Variants in HNF4G observed in about 807,000 individuals in gnomAD.
The protein encoded by HNF4G is hepatocyte nuclear factor 4 gamma.
A neutral mutation model predicts 50.9 loss-of-function variants in HNF4G; 21 were observed. The ratio of observed to expected loss-of-function variants is 0.41; its 90% CI spans 0.29 to 0.59. The LOEUF is 0.59. HNF4G is among the 20% of genes least tolerant of loss of function. The pLI is 0.26. For synonymous variants in HNF4G, 198 were observed against 185.6 expected (o/e 1.07, Z -0.54); for missense variants, 527 against 559.4 (o/e 0.94, Z 0.58).
chr8:75,432,348 A>G (rs890061504), intron 1 of HNF4G, among the ~76,000 whole-genome samples: 1 of 151,976 alleles, frequency 6.6e-6, no homozygotes, highest in Admixed American at 6.6e-5. Context: ...AAGGAATCTC[A>G]CTCTGTTGCC....
intron 2 of HNF4G, among the ~76,000 whole-genome samples, chr8:75,532,439 T>A (rs899806719): frequency 6.6e-6 from 1 of 152,124 alleles, no homozygotes; most frequent in Non-Finnish European, 1.5e-5. Flanking sequence ...TTTAGAAATA[T>A]GTTCAATGTT....
chr8:75,542,021 C>G (rs1057052281), intron 1 of HNF4G, among the ~76,000 whole-genome samples: 27 of 152,050 alleles, frequency 1.8e-4, no homozygotes, highest in African/African-American at 6.5e-4. Context: ...AAAGCTAAGG[C>G]CAGGTGTGGT....
At chr8:75,503,748 G>T (rs1445278334) in intron 2 of HNF4G, among the ~76,000 whole-genome samples, 1 of 152,166 alleles carries the variant, frequency 6.6e-6, no homozygotes. Context: ...AACTTACAGA[G>T]TTCTGAAAAC....
At chr8:75,409,950 C>A (rs1009655548) in intron 1 of HNF4G, among the ~76,000 whole-genome samples, 1 of 152,116 alleles carries the variant, frequency 6.6e-6, no homozygotes, top group Admixed American at 6.6e-5. Flanking sequence ...TTTCTCTAAT[C>A]TCTATGTGTA....
At chr8:75,513,938 AATCATTGACAAAAAAAC>A (rs1805823661) in intron 2 of HNF4G, among the ~76,000 whole-genome samples, 1 of 152,008 alleles carries the variant, frequency 6.6e-6, no homozygotes, top group Non-Finnish European at 1.5e-5. Context: ...AATGTTCATG[AATCATTGACAAAAAAAC>A]ATTTTCTAAT....
chr8:75,510,170 A>G (rs2130723809), intron 2 of HNF4G, among the ~76,000 whole-genome samples: 1 of 152,258 alleles, frequency 6.6e-6, no homozygotes, highest in South Asian at 2.1e-4. Context: ...TATTTTAACA[A>G]AAGTTTAAAA....
intron 2 of HNF4G, among the ~76,000 whole-genome samples, chr8:75,534,210 A>C (rs975952992): frequency 1.3e-5 from 2 of 151,908 alleles, no homozygotes; most frequent in African/African-American, 4.8e-5. Flanking sequence ...CCCATTGTAA[A>C]AACGAAATGC....
chr8:75,430,950 C>T (rs1255779663), intron 1 of HNF4G, among the ~76,000 whole-genome samples: 1 of 151,406 alleles, frequency 6.6e-6, no homozygotes, highest in South Asian at 2.1e-4. Flanking sequence ...ATATAATGTT[C>T]AAAATAATAT....
intron 2 of HNF4G, among the ~76,000 whole-genome samples, chr8:75,521,599 G>T (rs1034870594): frequency 6.6e-6 from 1 of 152,014 alleles, no homozygotes; most frequent in Non-Finnish European, 1.5e-5. Context: ...GGTTCTAGCA[G>T]TTTCAGCCAG....
intron 1 of HNF4G, among the ~76,000 whole-genome samples, chr8:75,438,871 G>A (rs939809414): frequency 3.3e-5 from 5 of 151,662 alleles, no homozygotes; most frequent in East Asian, 1.9e-4. Context: ...TTTCTTTCAC[G>A]AGTAGGGTAA....
chr8:75,530,679 T>C (rs957134183), intron 2 of HNF4G, among the ~76,000 whole-genome samples: 6 of 152,112 alleles, frequency 3.9e-5, no homozygotes, highest in African/African-American at 1.4e-4. Context: ...TCTAAATTAG[T>C]GGTCCAGAAG....
At chr8:75,448,276 A>C in intron 1 of HNF4G, among the ~76,000 whole-genome samples, 1 of 107,938 alleles carries the variant, frequency 9.3e-6, no homozygotes, top group African/African-American at 3.6e-5. Context: ...CACTCTGGGG[A>C]CTGTGGTGGG....
At position 75,427,472 on chromosome 8, in the gene HNF4G, G is replaced by A. The variant is rs981956860; in HGVS notation, c.-144+19310G>A. Among the ~76,000 whole-genome samples, 18 of 152,074 alleles carry A rather than the reference G, an allele frequency of 1.2e-4. 1 individual carries two copies. Among genetic ancestry groups the A allele is most frequent in the African/African-American group, 4.3e-4 (18 of 41,472 alleles). ...ACCACCTGTAGTCCCAGCTACTTGGGAGGCTGAGGCAGGAGAATTGCTTGA... is the reference window on the plus strand; with the variant it reads ...ACCACCTGTAGTCCCAGCTACTTGGAAGGCTGAGGCAGGAGAATTGCTTGA... On this transcript the variant is annotated intron_variant, in intron 1 of 10. Coordinates refer to the HNF4G transcript ENST00000354370.
At chr8:75,555,730 C>CTT (rs59730048) in intron 5 of HNF4G, among the ~76,000 whole-genome samples, 133 of 140,480 alleles carry the variant, frequency 9.5e-4, no homozygotes, top group Non-Finnish European at 9.0e-4. Flanking sequence ...AACTTGTCTG[C>CTT]TTTTTTTTTT....
rs896241353 is a variant in HNF4G, at chr8:75,560,379, A to G, written c.1159A>G (p.Met387Val). The G allele has an allele frequency of 1.9e-6, 3 of 1,613,254 alleles. No homozygotes were observed. Among genetic ancestry groups the G allele is most frequent in the African/African-American group, 2.7e-5 (2 of 74,994 alleles). Residue 387 changes from methionine to valine, a missense_variant, in exon 9 of 10, where the codon ATG becomes GTG. By Grantham distance (21) the Met-to-Val change is conservative (BLOSUM62 1). Transcript: ENST00000396423. ...TGATGGCAGTCATCTCCATCATCCA[A>G]TGCATCCACATTTGTCTCAAGACCC... Reference protein sequence around the residue: ...SNDGSHLHHPMHPHLSQDPLT... With the variant: ...SNDGSHLHHPVHPHLSQDPLT...
chr8:75,455,864 C>G lies in HNF4G; in HGVS notation c.-143-34225C>G, dbSNP rs544345940. Among the ~76,000 whole-genome samples the G allele has an allele frequency of 1.1e-4, 17 of 152,100 alleles. No individual in the cohort carries two copies. In the East Asian group the frequency reaches 3.3e-3, roughly 29 times the overall value. ...AGTTTGCATACTTTCTGTATAAAGA[C>G]TGATTTGATGTCATCTCTGAATCAC... On this transcript the variant is annotated intron_variant, in intron 1 of 10. Coordinates refer to the HNF4G transcript ENST00000354370.
chr8:75,452,875 C>T (rs1434280933), intron 1 of HNF4G, among the ~76,000 whole-genome samples: 1 of 152,104 alleles, frequency 6.6e-6, no homozygotes, highest in Non-Finnish European at 1.5e-5. Flanking sequence ...GTTTGCTTTT[C>T]CACTTGAATG....
chr8:75,442,337 G>A (rs1170797047), intron 1 of HNF4G, among the ~76,000 whole-genome samples: 3 of 151,924 alleles, frequency 2.0e-5, no homozygotes, highest in Admixed American at 2.0e-4. Context: ...ATATTCTTTT[G>A]CATATATATT....
At chr8:75,560,862 CTTAATG>C (rs1257168288) in intron 9 of HNF4G, among the ~76,000 whole-genome samples, 2 of 152,108 alleles carry the variant, frequency 1.3e-5, no homozygotes, top group East Asian at 3.9e-4. Flanking sequence ...TAAGAACTCT[CTTAATG>C]TTTATGGAGA....
Sources: allele counts gnomAD v4.1 joint callset (sites outside exome capture counted in the v4.1 genomes callset), GRCh38; gene constraint gnomAD v4.1.1; transcripts MANE v1.5; gene names NCBI Gene and HGNC (gene_info 2026-07-23, HGNC 2026-07-21).